Variants in WLS observed in about 807,000 individuals in gnomAD.
The protein encoded by WLS is protein wntless homolog.
A neutral mutation model predicts 62.8 loss-of-function variants in WLS; 23 were observed. The observed-to-expected ratio is 0.37, with a 90% CI of 0.26 to 0.52. The LOEUF (loss-of-function observed/expected upper bound fraction) is 0.52. WLS is among the 20% of genes least tolerant of loss of function. The probability of loss-of-function intolerance (pLI) is 0.92; values close to 1 mark genes in which losing one functional copy is unlikely to be tolerated. For missense variants in WLS, 615 were observed against 697.3 expected, an observed-to-expected ratio of 0.88 and a Z score of 1.33; for synonymous variants, 246 against 244.1, an observed-to-expected ratio of 1.01 and a Z score of -0.07.
At chr1:68,171,262 G>T (rs1183304633) in intron 2 of WLS, among the ~76,000 whole-genome samples, 1 of 152,142 alleles carries the variant, frequency 6.6e-6, no homozygotes, top group African/African-American at 2.4e-5. Flanking sequence ...CATGGGCAAA[G>T]ACTTCATGAC....
At chr1:68,103,867 A>G (rs985850934) in intron 11 of WLS, among the ~76,000 whole-genome samples, 3 of 152,182 alleles carry the variant, frequency 2.0e-5, no homozygotes, top group Admixed American at 1.3e-4. Flanking sequence ...TTGTGTTTAA[A>G]CAGCCCTGAT....
At chr1:68,202,597 C>T (rs1649080286) in intron 1 of WLS, 1 of 152,138 alleles carries the variant, frequency 6.6e-6, no homozygotes, top group Non-Finnish European at 1.5e-5. Flanking sequence ...AAATCAGTGG[C>T]TCATCTGTTG....
chr1:68,173,995 G>A (rs1010159255), intron 2 of WLS, among the ~76,000 whole-genome samples: 2 of 152,186 alleles, frequency 1.3e-5, no homozygotes, highest in Non-Finnish European at 2.9e-5. Context: ...GAAACCAGGT[G>A]TCTAAAAGAA....
chr1:68,126,635 C>T (rs1382850649), intron 11 of WLS, among the ~76,000 whole-genome samples: 5 of 152,114 alleles, frequency 3.3e-5, no homozygotes, highest in Admixed American at 3.3e-4. Context: ...TACTTTGTGC[C>T]TGACGCTATT....
chr1:68,155,643 T>G (rs1646886607), intron 3 of WLS, among the ~76,000 whole-genome samples: 1 of 152,204 alleles, frequency 6.6e-6, no homozygotes. Context: ...CAGGGTCCTC[T>G]AAGGCTCTGT....
At chr1:68,108,469 CAGTGTACCCACTCCAGCCACCCAGCCCAT>C (rs1260417364) in intron 11 of WLS, among the ~76,000 whole-genome samples, 1 of 152,168 alleles carries the variant, frequency 6.6e-6, no homozygotes, top group Non-Finnish European at 1.5e-5. Context: ...ACCTCTAAGG[CAGTGTACCCACTCCAGCCACCCAGCCCAT>C]AGTGTGCTAT....
At chr1:68,105,707 G>T (rs1450872150) in intron 11 of WLS, among the ~76,000 whole-genome samples, 1 of 152,186 alleles carries the variant, frequency 6.6e-6, no homozygotes, top group Non-Finnish European at 1.5e-5. Flanking sequence ...TGGAAGGTGA[G>T]GGGTGTTAGT....
At chr1:68,202,679 C>G (rs999097132) in intron 1 of WLS, 2 of 152,210 alleles carry the variant, frequency 1.3e-5, no homozygotes, top group Non-Finnish European at 2.9e-5. Flanking sequence ...GCTTCAAAAT[C>G]AGCAACCTTT....
At chr1:68,229,468 A>G (rs1296993331) in intron 1 of WLS, among the ~76,000 whole-genome samples, 1 of 150,790 alleles carries the variant, frequency 6.6e-6, no homozygotes, top group South Asian at 2.1e-4. Flanking sequence ...AGTGGCAATA[A>G]CAATGAGCAG....
intron 2 of WLS, among the ~76,000 whole-genome samples, chr1:68,187,766 C>T (rs1648048492): frequency 6.6e-6 from 1 of 151,854 alleles, no homozygotes; most frequent in Non-Finnish European, 1.5e-5. Flanking sequence ...GAATACAAAA[C>T]ATCATTAGAA....
intron 11 of WLS, among the ~76,000 whole-genome samples, chr1:68,106,004 TA>T (rs1393071301): frequency 5.9e-5 from 9 of 152,076 alleles, no homozygotes; most frequent in Admixed American, 5.2e-4. Context: ...AATGATGACC[TA>T]AAACTAAACA....
Position 68,194,175 on chromosome 1 carries a change from G to A in WLS, c.159C>T (p.Ala53=), listed in dbSNP as rs779650761. The A allele has an allele frequency of 9.3e-6, 15 of 1,614,160 alleles. No individual in the cohort carries two copies. The highest frequency in any genetic ancestry group is 1.6e-4 in the Middle Eastern group (1 of 6,062). ...ATTTTGTCTTGTGATGGTTCTTACG[G>A]GCATCCACACATTTCACCGACATGT... ...VSYMSVKCVD[A]RKNHHKTKWF... The change falls in exon 2 of 12, where the codon GCC becomes GCT. Residue 53 remains alanine, a synonymous_variant. Transcript: ENST00000262348.
intron 11 of WLS, among the ~76,000 whole-genome samples, chr1:68,109,185 C>T (rs1368936711): frequency 8.2e-6 from 1 of 122,696 alleles, no homozygotes; most frequent in East Asian, 2.0e-4. Flanking sequence ...CAATCAAAAG[C>T]CAGCTAACAA....
At chr1:68,174,860 G>A (rs1647209940) in intron 2 of WLS, among the ~76,000 whole-genome samples, 3 of 152,152 alleles carry the variant, frequency 2.0e-5, no homozygotes, top group Admixed American at 2.0e-4. Context: ...AGCAAGTTGG[G>A]CCTGTTGGCC....
rs548966598 is a variant in WLS at position 68,187,913 on chromosome 1, G to T, written c.379+6042C>A. Among the ~76,000 whole-genome samples, 134 of 152,144 alleles carry T rather than the reference G, an allele frequency of 8.8e-4. 1 individual carries two copies. The highest frequency in any genetic ancestry group is 3.2e-3 in the African/African-American group (131 of 41,498). ...TTTCAATTTTGGTGGTATAATTTTA[G>T]AAATTTATCGTTGACTTTTAAAATT... On this transcript the variant is annotated intron_variant, in intron 2 of 11. Coordinates refer to ENST00000262348, the MANE Select transcript of WLS (RefSeq NM_024911.7).
chr1:68,132,666 A>G lies in WLS; in HGVS notation c.1516+5114T>C, dbSNP rs113143753. The stretch of plus-strand genomic sequence containing the variant: ...CTTAGCGTGAACAGAAATAGGAGGG[A>G]ATGGTGGCAGTGAGGGCATCTTGTG... On this transcript the variant is annotated intron_variant, in intron 11 of 11. Coordinates refer to ENST00000262348, the MANE Select transcript of WLS (RefSeq NM_024911.7). 2.1e-4 allele frequency among the ~76,000 whole-genome samples: 32 copies of G among 152,238 alleles called. 3 individuals carry two copies. Among genetic ancestry groups the G allele is most frequent in the African/African-American group, 7.7e-4 (32 of 41,552 alleles).
intron 11 of WLS, among the ~76,000 whole-genome samples, chr1:68,135,389 A>G (rs1646593760): frequency 6.9e-6 from 1 of 145,800 alleles, no homozygotes; most frequent in African/African-American, 2.6e-5. Flanking sequence ...GGCTCAAGCA[A>G]TCCTCCAGCC....
chr1:68,142,422 CTG>C (rs1308671972), intron 10 of WLS, among the ~76,000 whole-genome samples: 4 of 152,196 alleles, frequency 2.6e-5, no homozygotes, highest in African/African-American at 9.7e-5. Context: ...GCAGGTCTGG[CTG>C]TGTCAAGTGC....
At chr1:68,112,272 A>AGTGC (rs1316755641) in intron 11 of WLS, among the ~76,000 whole-genome samples, 1 of 152,184 alleles carries the variant, frequency 6.6e-6, no homozygotes, top group Non-Finnish European at 1.5e-5. Context: ...CTAGCTGTAC[A>AGTGC]ACAGTACCTA....
Sources: gnomAD v4.1 joint callset for allele counts (sites outside exome capture counted in the v4.1 genomes callset) on GRCh38, gnomAD v4.1.1 for gene constraint, MANE v1.5 for transcripts, NCBI Gene and HGNC (gene_info 2026-07-23, HGNC 2026-07-21) for gene names.